The following PLPPR3 variants were observed in gnomAD, a reference collection of about 807,000 sequenced individuals.
The protein encoded by PLPPR3 is phospholipid phosphatase related 3, also known as phospholipid phosphatase-related protein type 3.
PLPPR3 carries 14 observed loss-of-function variants against 27.3 expected under a neutral mutation model. The ratio of observed to expected loss-of-function variants is 0.51; its 90% CI spans 0.34 to 0.80. The LOEUF is 0.80. PLPPR3 is among the 30% of genes least tolerant of loss of function. The probability of loss-of-function intolerance (pLI) is 0.01; values close to 1 mark genes in which losing one functional copy is unlikely to be tolerated. For synonymous variants in PLPPR3, 671 were observed against 508.0 expected, an observed-to-expected ratio of 1.32 and a Z score of -4.32; for missense variants, 1,287 against 1,056.9, an observed-to-expected ratio of 1.22 and a Z score of -3.02.
At chr19:822,408 C>A (rs994457647), upstream of PLPPR3, among the ~76,000 whole-genome samples, 1 of 152,134 alleles carries the variant, frequency 6.6e-6, no homozygotes, top group South Asian at 2.1e-4. Flanking sequence ...CCGCGGAGCC[C>A]GCCGCTCGCT....
At chr19:822,019 C>T (rs1297842844), upstream of PLPPR3, 1 of 152,342 alleles carries the variant, frequency 6.6e-6, no homozygotes, top group Admixed American at 6.6e-5. Context: ...GCCCGGAGAC[C>T]CCCGCGCGCG....
chr19:819,427 C>CA (rs2035113105), intron 2 of PLPPR3, among the ~76,000 whole-genome samples: 1 of 151,570 alleles, frequency 6.6e-6, no homozygotes, highest in African/African-American at 2.4e-5. Context: ...ATTACAGGCG[C>CA]CCACCACTAC....
intron 2 of PLPPR3, 144 bp downstream of exon 2, chr19:821,341 C>A (rs1211799263): frequency 1.7e-6 from 1 of 578,334 alleles, no homozygotes; most frequent in Non-Finnish European, 2.8e-6. Context: ...GCCCCACCCC[C>A]CATCCGCCGG....
chr19:814,772 G>T (rs200084533), intron 5 of PLPPR3, 23 bp from the exon 6 acceptor site: 2 of 1,560,200 alleles, frequency 1.3e-6, no homozygotes, highest in African/African-American at 2.7e-5. Flanking sequence ...TCCAGCGTGA[G>T]CCCCGCCCAC....
chr19:812,541 G>GGGCCCCCCCCCC lies in PLPPR3; in HGVS notation c.*28_*29insGGGGGGGGGGCC. 1 of 617,396 alleles carries GGGCCCCCCCCCC rather than the reference G, an allele frequency of 1.6e-6. No individual in the cohort carries two copies. The highest frequency in any genetic ancestry group is 2.0e-6 in the Non-Finnish European group (1 of 496,530). The allele number at this position is 617,396 out of a possible 1,614,324, so 38.2% of individuals were successfully genotyped here. A position where few individuals can be genotyped will look rare whatever the true frequency, so the allele number is the denominator to read the frequency against. On this transcript the variant is annotated 3_prime_UTR_variant, in exon 8 of 8. Transcript: ENST00000520876. The stretch of plus-strand genomic sequence containing the variant: ...GCGCGGCCGCCCGCGCCCTCGGCCC[G>GGGCCCCCCCCCC]CCCCCCGCCCGCCCCCGGCCCCGCC...
In PLPPR3 at chr19:813,882, A is replaced by G. The variant is rs2034999823; in HGVS notation, c.845T>C (p.Val282Ala). Residue 282 changes from valine (V) to alanine (A), a missense_variant, in exon 8 of 8, where the codon GTG (valine) becomes GCG (alanine). By Grantham distance (64) the Val-to-Ala change is moderately conservative (BLOSUM62 0). Transcript: ENST00000520876. This position sits in a 1 kb window ranked among gnomAD's most constrained non-coding sequence, Gnocchi z 4.1. ...GIAAYLACHA[V>A]GNFQAPPAEK... is the part of the protein sequence containing the mutation. ...TGCAGGTGGGGCCTGGAAGTTGCCC[A>G]CCGCGTGGCAGGCCTGTCGGGGAGA... 4 of 1,434,648 alleles carry G rather than the reference A, an allele frequency of 2.8e-6. No individual in the cohort carries two copies. The highest frequency in any genetic ancestry group is 3.6e-6 in the Non-Finnish European group (4 of 1,100,940). The allele number at this position is 1,434,648 out of a possible 1,614,324, so 88.9% of individuals were successfully genotyped here.
intron 2 of PLPPR3, among the ~76,000 whole-genome samples, chr19:816,367 G>C (rs1296426712): frequency 2.2e-4 from 10 of 45,990 alleles, no homozygotes; most frequent in African/African-American, 4.2e-4. Flanking sequence ...TCATTACCCA[G>C]CCATTCATCC....
intron 7 of PLPPR3, 123 bp downstream of exon 7, chr19:814,311 G>C (rs1407209047): frequency 2.1e-6 from 2 of 938,338 alleles, no homozygotes; most frequent in Admixed American, 2.8e-5. Flanking sequence ...CAGACCCCCT[G>C]AGCCTGCCTC....
In PLPPR3 at chr19:814,727, C is replaced by T. The variant is rs900558317; in HGVS notation, c.622G>A (p.Ala208Thr). Residue 208 changes from alanine to threonine, a missense_variant, in exon 6 of 8, where the codon GCC (alanine) becomes ACC (threonine). By Grantham distance (58) the Ala-to-Thr change is moderately conservative (BLOSUM62 0). Coordinates refer to ENST00000520876, the MANE Select transcript of PLPPR3 (RefSeq NM_001270366.2). ...SARKTFPSQH[A>T]TLSAFAAVYV... is the part of the protein sequence containing the mutation. ...ACCGCGGCGAAGGCTGACAGCGTGG[C>T]GTGCTGGGACGGGAAGGTCTTCCTG... 8.9e-6 allele frequency: 14 copies of T among 1,580,510 alleles called. No homozygotes were observed. The highest frequency in any genetic ancestry group is 2.3e-5 in the South Asian group (2 of 88,456).
Position 813,330 on chromosome 19 carries a change from G to A in PLPPR3, c.1397C>T (p.Pro466Leu), listed in dbSNP as rs1195910966. The A allele has an allele frequency of 6.1e-6, 9 of 1,470,670 alleles. No individual in the cohort carries two copies. Among genetic ancestry groups the A allele is most frequent in the African/African-American group, 4.4e-5 (3 of 68,800 alleles). The allele number at this position is 1,470,670 out of a possible 1,614,324, so 91.1% of individuals were successfully genotyped here. Residue 466 changes from proline to leucine, a missense_variant, in exon 8 of 8, where the codon CCC becomes CTC. Pro to Leu is a moderately conservative substitution (Grantham distance 98). Transcript: ENST00000520876. This position sits in a 1 kb window ranked among gnomAD's most constrained non-coding sequence, Gnocchi z 4.1. Reference protein sequence around the residue: ...EEEEDEGPAPPSLYPTVQARP... With the variant: ...EEEEDEGPAPLSLYPTVQARP... ...CGCCTGCACGGTGGGGTAGAGCGAG[G>A]GCGGGGCCGGGCCCTCGTCCTCCTC...
Position 815,622 on chromosome 19 carries a change from C to T in PLPPR3, c.261+44G>A, listed in dbSNP as rs563312756. 2.7e-5 allele frequency: 41 copies of T among 1,525,324 alleles called. No individual in the cohort carries two copies. In the East Asian group the frequency reaches 7.1e-4, roughly 27 times the overall value. The allele number at this position is 1,525,324 out of a possible 1,614,324, so 94.5% of individuals were successfully genotyped here. A position where few individuals can be genotyped will look rare whatever the true frequency, so the allele number is the denominator to read the frequency against. On this transcript the variant is annotated intron_variant, in intron 3 of 7. Transcript: ENST00000520876. ...GAGGTGGCGGGGGTGGGCTCCCAGCCGTGGTGCCCACAGGCTGGCACAGGC... is the reference window on the plus strand; with the variant it reads ...GAGGTGGCGGGGGTGGGCTCCCAGCTGTGGTGCCCACAGGCTGGCACAGGC...
chr19:822,186 C>T (rs1321371916), upstream of PLPPR3, among the ~76,000 whole-genome samples: 1 of 151,806 alleles, frequency 6.6e-6, no homozygotes, highest in Non-Finnish European at 1.5e-5. Context: ...GCTGGCGGGG[C>T]TCGGGGGTCG....
chr19:822,022 C>G (rs1599265366), upstream of PLPPR3: 4 of 152,580 alleles, frequency 2.6e-5, no homozygotes. Flanking sequence ...CGGAGACCCC[C>G]GCGCGCGCCC....
At chr19:823,195 A>T (rs2035173958), upstream of PLPPR3, among the ~76,000 whole-genome samples, 1 of 151,534 alleles carries the variant, frequency 6.6e-6, no homozygotes. Flanking sequence ...TAATCCCAGC[A>T]CTTTGGGAGG....
rs972162299 is a variant in PLPPR3 at position 813,861 on chromosome 19, G to A, written c.866C>T (p.Pro289Leu). 10 of 1,453,432 alleles carry A rather than the reference G, an allele frequency of 6.9e-6. No homozygotes were observed. The highest frequency in any genetic ancestry group is 9.0e-6 in the Non-Finnish European group (10 of 1,111,014). 90.0% of individuals were successfully genotyped at this position (1,453,432 alleles called of 1,614,324 possible). A position where few individuals can be genotyped will look rare whatever the true frequency, so the allele number is the denominator to read the frequency against. The change falls in exon 8 of 8, where the codon CCT becomes CTT. Residue 289 changes from proline (P) to leucine (L), a missense_variant. By Grantham distance (98) the Pro-to-Leu change is moderately conservative. Transcript: ENST00000520876. This position sits in a 1 kb window ranked among gnomAD's most constrained non-coding sequence, Gnocchi z 4.1. ...CHAVGNFQAP[P>L]AEKPAAPAPA... ...GGCCGGGGCCGCGGGCTTCTCTGCA[G>A]GTGGGGCCTGGAAGTTGCCCACCGC... is the stretch of plus-strand genomic sequence containing the variant.
chr19:822,066 G>T (rs897410978), upstream of PLPPR3: 1 of 151,688 alleles, frequency 6.6e-6, no homozygotes, highest in East Asian at 2.0e-4. Flanking sequence ...AGCCAGGGGC[G>T]GGGGCTCTTT....
At chr19:815,457 G>A in intron 3 of PLPPR3, 130 bp from the exon 4 acceptor site, 1 of 1,087,802 alleles carries the variant, frequency 9.2e-7, no homozygotes, top group Non-Finnish European at 1.2e-6. Flanking sequence ...GGCGGGGGTG[G>A]GCTCCCAGCC....
chr19:815,894 C>T (rs113121396), intron 2 of PLPPR3, 43 bp from the exon 3 acceptor site: 75,645 of 1,591,372 alleles, frequency 0.048, 2,057 homozygotes, highest in Middle Eastern at 0.07. Flanking sequence ...CTCTCCCTCG[C>T]GGAGGCGTCT....
chr19:817,308 C>T (rs144296067), intron 2 of PLPPR3, among the ~76,000 whole-genome samples: 333 of 151,606 alleles, frequency 2.2e-3, no homozygotes, highest in Non-Finnish European at 3.5e-3. Context: ...TTCCCCCACT[C>T]TGTCACGCAG....
Sources: allele counts gnomAD v4.1 joint callset (sites outside exome capture counted in the v4.1 genomes callset), GRCh38; gene constraint gnomAD v4.1.1; non-coding constraint Gnocchi (gnomAD v3.1); transcripts MANE v1.5; gene names NCBI Gene and HGNC (gene_info 2026-07-23, HGNC 2026-07-21).